Variants in KAZN observed in about 807,000 individuals in gnomAD.
KAZN encodes the protein kazrin, periplakin interacting protein.
In KAZN, 40 loss-of-function variants were observed where a neutral mutation model predicts 87.4. The ratio of observed to expected loss-of-function variants is 0.46; its 90% CI spans 0.36 to 0.60. The LOEUF (loss-of-function observed/expected upper bound fraction) is 0.60, where lower values mean the gene tolerates loss of function less well. Among genes scored for constraint, KAZN ranks in the 20% least tolerant of loss-of-function variants. KAZN has a pLI of 0.00. For missense variants in KAZN, 898 were observed against 1,073.9 expected (o/e 0.84, Z 2.29); for synonymous variants, 466 against 458.3 (o/e 1.02, Z -0.22).
At chr1:15,046,297 CA>C (rs55932579) in intron 4 of KAZN, among the ~76,000 whole-genome samples, 2 of 134,316 alleles carry the variant, frequency 1.5e-5, no homozygotes, top group Non-Finnish European at 1.6e-5. Flanking sequence ...GACTCCGTCT[CA>C]AAAAAAAAAG....
chr1:14,211,661 T>A (rs1401248121), intron 2 of KAZN, among the ~76,000 whole-genome samples: 1 of 152,214 alleles, frequency 6.6e-6, no homozygotes, highest in East Asian at 1.9e-4. Flanking sequence ...TAATTGAATG[T>A]TCCAGGATTT....
intron 2 of KAZN, among the ~76,000 whole-genome samples, chr1:14,193,714 C>CT (rs915644387): frequency 2.8e-5 from 4 of 141,510 alleles, no homozygotes; most frequent in African/African-American, 1.0e-4. Context: ...TAGTGCATTT[C>CT]TTTTTTTCTT....
chr1:14,063,212 C>T (rs1490158330), intron 1 of KAZN, among the ~76,000 whole-genome samples: 1 of 152,136 alleles, frequency 6.6e-6, no homozygotes, highest in Non-Finnish European at 1.5e-5. Flanking sequence ...TATTGATGCC[C>T]TATGGAAGAC....
At chr1:15,079,716 C>T (rs1282762491) in intron 8 of KAZN, among the ~76,000 whole-genome samples, 1 of 152,116 alleles carries the variant, frequency 6.6e-6, no homozygotes, top group Non-Finnish European at 1.5e-5. Context: ...GCAGAGAAGC[C>T]TGCCGGGAAA....
chr1:14,628,456 T>G (rs1679312439), intron 1 of KAZN, among the ~76,000 whole-genome samples: 1 of 152,244 alleles, frequency 6.6e-6, no homozygotes, highest in Non-Finnish European at 1.5e-5. Context: ...TGAATTACAC[T>G]GAAAACCCCT....
intron 1 of KAZN, among the ~76,000 whole-genome samples, chr1:13,985,070 C>T (rs1638946018): frequency 6.6e-6 from 1 of 152,058 alleles, no homozygotes; most frequent in African/African-American, 2.4e-5. Context: ...GGCCAGGATT[C>T]TCCAGAAAAA....
chr1:14,771,026 G>A (rs1645005018), intron 1 of KAZN, among the ~76,000 whole-genome samples: 2 of 152,070 alleles, frequency 1.3e-5, no homozygotes, highest in South Asian at 2.1e-4. Flanking sequence ...GCCCAAATTC[G>A]GGACACCCAT....
chr1:15,030,683 G>A (rs1310225979), intron 2 of KAZN, among the ~76,000 whole-genome samples: 1 of 152,192 alleles, frequency 6.6e-6, no homozygotes, highest in Admixed American at 6.5e-5. Context: ...ACTGCCTGAG[G>A]CCTGCAGGGC....
intron 1 of KAZN, among the ~76,000 whole-genome samples, chr1:14,115,908 C>T (rs757372115): frequency 1.6e-4 from 25 of 152,108 alleles, no homozygotes; most frequent in East Asian, 3.9e-4. Flanking sequence ...AGTCTTGTTA[C>T]GTTTTACCAA....
intron 1 of KAZN, among the ~76,000 whole-genome samples, chr1:14,807,787 A>G (rs1480517958): frequency 1.3e-5 from 2 of 152,014 alleles, no homozygotes; most frequent in Non-Finnish European, 2.9e-5. Flanking sequence ...AAAAAATCCT[A>G]ATATTGGGGA....
At chr1:14,899,992 C>G (rs557719367) in intron 1 of KAZN, among the ~76,000 whole-genome samples, 1 of 152,218 alleles carries the variant, frequency 6.6e-6, no homozygotes, top group Non-Finnish European at 1.5e-5. Flanking sequence ...TTCTTCTTCC[C>G]GTTCCGGCCC....
chr1:14,633,253 A>C (rs982571384), intron 1 of KAZN, among the ~76,000 whole-genome samples: 4 of 152,122 alleles, frequency 2.6e-5, no homozygotes, highest in African/African-American at 9.7e-5. Context: ...TCTGGTTATT[A>C]GATACTGGTA....
chr1:14,279,840 G>A (rs1652701617), intron 2 of KAZN, among the ~76,000 whole-genome samples: 1 of 152,166 alleles, frequency 6.6e-6, no homozygotes. Context: ...CATAAGGTGA[G>A]GGTCACAGAA....
Position 15,096,215 on chromosome 1 carries a change from GT to G in KAZN, c.1547+1283del, listed in dbSNP as rs1640799236. On this transcript the variant is annotated intron_variant, in intron 10 of 14. Coordinates refer to ENST00000376030, the MANE Select transcript of KAZN (RefSeq NM_201628.3). The surrounding 1 kb of genome is among the most constrained non-coding windows in gnomAD (Gnocchi z 4.5). The stretch of plus-strand genomic sequence containing the variant: ...CCAGCAGGGTCCATAAACACTGCCT[GT>G]GTTCAATGAACAGGGTGGGGATGAC... Among the ~76,000 whole-genome samples, 1 of 152,214 alleles carries G rather than the reference GT, an allele frequency of 6.6e-6. No individual in the cohort carries two copies. The highest frequency in any genetic ancestry group is 2.4e-5 in the African/African-American group (1 of 41,464).
At chr1:14,677,784 A>C (rs758290239) in intron 1 of KAZN, among the ~76,000 whole-genome samples, 1 of 152,216 alleles carries the variant, frequency 6.6e-6, no homozygotes, top group Non-Finnish European at 1.5e-5. Flanking sequence ...CAGGGTCTGC[A>C]CCAGTATATC....
intron 2 of KAZN, among the ~76,000 whole-genome samples, chr1:15,031,055 G>T (rs1323171415): frequency 2.6e-5 from 4 of 152,216 alleles, no homozygotes. Context: ...ATGTACACAG[G>T]CTGAGTCTGC....
rs1658819053 is a variant in KAZN at position 14,923,814 on chromosome 1, G to A, written c.227-36870G>A. ...GCTCTCGGCAAGGCTGTCACAGGGT[G>A]TCAGGAGAGGAGAGAGACACAGCAA... On this transcript the variant is annotated intron_variant, in intron 1 of 14. Transcript: ENST00000376030. The surrounding 1 kb of genome is among the most constrained non-coding windows in gnomAD (Gnocchi z 4.2). Among the ~76,000 whole-genome samples the A allele has an allele frequency of 6.6e-6, 1 of 152,224 alleles. No individual in the cohort carries two copies.
intron 2 of KAZN, among the ~76,000 whole-genome samples, chr1:14,562,467 A>G (rs1172298178): frequency 6.6e-6 from 1 of 152,224 alleles, no homozygotes; most frequent in Non-Finnish European, 1.5e-5. Context: ...AGTCTCTTCA[A>G]GGTAGTAATA....
At chr1:15,060,129 C>A in intron 5 of KAZN, 43 bp from the exon 6 acceptor site, 1 of 1,611,216 alleles carries the variant, frequency 6.2e-7, no homozygotes, top group South Asian at 1.1e-5. Flanking sequence ...CAGGCGAGGA[C>A]GTTCTCTCCA....
Sources: gnomAD v4.1 joint callset for allele counts (sites outside exome capture counted in the v4.1 genomes callset) on GRCh38, gnomAD v4.1.1 for gene constraint, Gnocchi (gnomAD v3.1) non-coding constraint, MANE v1.5 for transcripts, NCBI Gene and HGNC (gene_info 2026-07-23, HGNC 2026-07-21) for gene names.